Variants in GRIK2 observed in about 807,000 individuals in gnomAD.
GRIK2 encodes the protein glutamate ionotropic receptor kainate type subunit 2.
In GRIK2, 32 loss-of-function variants were observed where a neutral mutation model predicts 100.3. That is an observed-to-expected ratio of 0.32 (90% CI 0.24 to 0.43). GRIK2 has a LOEUF of 0.43. GRIK2 is among the 20% of genes least tolerant of loss of function. The probability of loss-of-function intolerance (pLI) is 1.00; values close to 1 mark genes in which losing one functional copy is unlikely to be tolerated. For missense variants in GRIK2, 843 were observed against 1,114.9 expected (o/e 0.76, Z 3.47); for synonymous variants, 417 against 389.4 (o/e 1.07, Z -0.83).
intron 2 of GRIK2, among the ~76,000 whole-genome samples, chr6:101,612,370 A>G (rs1405511631): frequency 6.6e-6 from 1 of 151,904 alleles, no homozygotes; most frequent in African/African-American, 2.4e-5. Flanking sequence ...TAGATTAAAG[A>G]CAGAAAACGT....
chr6:101,746,330 A>C (rs1304837226), intron 7 of GRIK2, among the ~76,000 whole-genome samples: 1 of 151,926 alleles, frequency 6.6e-6, no homozygotes, highest in South Asian at 2.1e-4. Context: ...ACCTTCAAAT[A>C]TTTTATTTAT....
intron 10 of GRIK2, among the ~76,000 whole-genome samples, chr6:101,843,159 T>A (rs1325915370): frequency 6.6e-6 from 1 of 152,194 alleles, no homozygotes; most frequent in Non-Finnish European, 1.5e-5. Flanking sequence ...CCTCATTTAT[T>A]ACACCAAAAT....
intron 2 of GRIK2, among the ~76,000 whole-genome samples, chr6:101,497,478 T>C (rs984268692): frequency 9.4e-5 from 10 of 106,040 alleles, no homozygotes; most frequent in South Asian, 5.9e-4. Context: ...TTCACTCTTA[T>C]TGAGTTTTGT....
intron 7 of GRIK2, among the ~76,000 whole-genome samples, chr6:101,759,156 T>G (rs899721674): frequency 1.3e-5 from 2 of 152,214 alleles, no homozygotes; most frequent in Non-Finnish European, 2.9e-5. Flanking sequence ...TAATGATTGA[T>G]TCCATTGGAG....
chr6:101,977,476 A>G (rs767309217), intron 14 of GRIK2, among the ~76,000 whole-genome samples: 29 of 151,970 alleles, frequency 1.9e-4, no homozygotes, highest in Non-Finnish European at 4.1e-4. Context: ...ACTCATGACT[A>G]CGTGGGCATT....
At chr6:101,811,905 T>C (rs1781355348) in intron 9 of GRIK2, among the ~76,000 whole-genome samples, 1 of 151,608 alleles carries the variant, frequency 6.6e-6, no homozygotes, top group Non-Finnish European at 1.5e-5. Context: ...CTGAAAACTG[T>C]TGTTTTCTAC....
intron 11 of GRIK2, among the ~76,000 whole-genome samples, chr6:101,863,424 C>T (rs1168595050): frequency 6.6e-6 from 1 of 152,108 alleles, no homozygotes; most frequent in South Asian, 2.1e-4. Flanking sequence ...GGCTGTACTC[C>T]AAAAAGCTTT....
chr6:101,551,061 T>G (rs748841770), intron 2 of GRIK2, among the ~76,000 whole-genome samples: 1 of 152,192 alleles, frequency 6.6e-6, no homozygotes. Context: ...TCTGCAAAGA[T>G]TGGCAGCTAT....
chr6:101,616,433 G>A (rs1779898848), intron 2 of GRIK2, among the ~76,000 whole-genome samples: 2 of 151,602 alleles, frequency 1.3e-5, no homozygotes, highest in South Asian at 4.2e-4. Context: ...TTATGCATAA[G>A]GGCATATTAT....
At chr6:101,874,957 G>T (rs964005744) in intron 11 of GRIK2, among the ~76,000 whole-genome samples, 28 of 152,088 alleles carry the variant, frequency 1.8e-4, no homozygotes, top group African/African-American at 6.3e-4. Context: ...TGTATCCTGA[G>T]ACTTTGCTGA....
intron 15 of GRIK2, among the ~76,000 whole-genome samples, chr6:102,055,091 G>A (rs1771399487): frequency 6.6e-6 from 1 of 152,076 alleles, no homozygotes; most frequent in Non-Finnish European, 1.5e-5. Flanking sequence ...CCACCTTTTA[G>A]GAGACATATT....
chr6:101,850,232 G>A (rs896854575), intron 10 of GRIK2, among the ~76,000 whole-genome samples: 4 of 151,900 alleles, frequency 2.6e-5, no homozygotes, highest in Non-Finnish European at 5.9e-5. Flanking sequence ...CACTAGATTG[G>A]GAGTTTCATA....
At chr6:101,920,131 A>G (rs1330954396) in intron 12 of GRIK2, among the ~76,000 whole-genome samples, 1 of 151,980 alleles carries the variant, frequency 6.6e-6, no homozygotes, top group Admixed American at 6.6e-5. Flanking sequence ...AGGCTGTGAT[A>G]AGTATGACTT....
intron 14 of GRIK2, among the ~76,000 whole-genome samples, chr6:101,977,268 ATGTTATG>A (rs1793446597): frequency 6.6e-6 from 1 of 151,214 alleles, no homozygotes; most frequent in Non-Finnish European, 1.5e-5. Flanking sequence ...ATGTTATGTT[ATGTTATG>A]TTATGAGTCT....
At chr6:101,541,599 T>C (rs1776000432) in intron 2 of GRIK2, among the ~76,000 whole-genome samples, 1 of 152,052 alleles carries the variant, frequency 6.6e-6, no homozygotes, top group South Asian at 2.1e-4. Context: ...TTCCAGCCTC[T>C]CCCACATCCT....
intron 14 of GRIK2, among the ~76,000 whole-genome samples, chr6:101,941,310 G>A (rs1790938564): frequency 6.6e-6 from 1 of 151,982 alleles, no homozygotes; most frequent in African/African-American, 2.4e-5. Flanking sequence ...ACTACAACTG[G>A]AAGAGTAAAG....
At chr6:101,579,528 C>T (rs1453711928) in intron 2 of GRIK2, among the ~76,000 whole-genome samples, 1 of 148,076 alleles carries the variant, frequency 6.8e-6, no homozygotes, top group African/African-American at 2.5e-5. Context: ...CAATGGCTGT[C>T]CTCACTTAGT....
At chr6:101,662,110 G>T (rs1232372432) in intron 4 of GRIK2, among the ~76,000 whole-genome samples, 1 of 152,196 alleles carries the variant, frequency 6.6e-6, no homozygotes, top group South Asian at 2.1e-4. Flanking sequence ...GGCTGCAGTT[G>T]ATTATACCAA....
At chr6:101,870,533 AGCACTT>A (rs1327086703) in intron 11 of GRIK2, among the ~76,000 whole-genome samples, 1 of 151,884 alleles carries the variant, frequency 6.6e-6, no homozygotes, top group Non-Finnish European at 1.5e-5. Flanking sequence ...TATCTTTCAT[AGCACTT>A]GCCACAATGC....
Sources: gnomAD v4.1 joint callset for allele counts (sites outside exome capture counted in the v4.1 genomes callset) on GRCh38, gnomAD v4.1.1 for gene constraint, MANE v1.5 for transcripts, NCBI Gene and HGNC (gene_info 2026-07-23, HGNC 2026-07-21) for gene names.